TNRC6B: variants seen among roughly 807,000 people sequenced by gnomAD.
TNRC6B encodes trinucleotide repeat-containing gene 6B protein.
A neutral mutation model predicts 203.6 loss-of-function variants in TNRC6B; 52 were observed. The ratio of observed to expected loss-of-function variants is 0.26; its 90% CI spans 0.20 to 0.32. TNRC6B has a LOEUF of 0.32. TNRC6B is among the 10% of genes least tolerant of loss of function. TNRC6B has a pLI of 1.00. For missense variants in TNRC6B, 1,923 were observed against 2,286.2 expected (o/e 0.84, Z 3.24); for synonymous variants, 838 against 845.7 (o/e 0.99, Z 0.16).
chr22:40,096,007 C>T (rs2068183672), intron 1 of TNRC6B, among the ~76,000 whole-genome samples: 1 of 152,110 alleles, frequency 6.6e-6, no homozygotes, highest in Non-Finnish European at 1.5e-5. Flanking sequence ...CTCTGTACCC[C>T]TCCTATCCGC....
At chr22:40,320,425 A>C (rs2071319929) in intron 21 of TNRC6B, among the ~76,000 whole-genome samples, 1 of 152,216 alleles carries the variant, frequency 6.6e-6, no homozygotes, top group Non-Finnish European at 1.5e-5. Context: ...GGTTGCAGTG[A>C]GTCGAGATTG....
intron 3 of TNRC6B, among the ~76,000 whole-genome samples, chr22:40,152,594 C>T (rs1382141488): frequency 6.6e-6 from 1 of 152,084 alleles, no homozygotes; most frequent in Non-Finnish European, 1.5e-5. Context: ...TCCCAAAATG[C>T]TGGGATTACA....
intron 4 of TNRC6B, among the ~76,000 whole-genome samples, chr22:40,170,958 T>TAC (rs1395268270): frequency 6.8e-6 from 1 of 147,118 alleles, no homozygotes; most frequent in East Asian, 2.0e-4. Flanking sequence ...GGTGTATATA[T>TAC]ACACACATAT....
chr22:40,309,389 A>G (rs1051782220), intron 16 of TNRC6B, among the ~76,000 whole-genome samples: 2 of 152,252 alleles, frequency 1.3e-5, no homozygotes, highest in African/African-American at 4.8e-5. Flanking sequence ...AGCCCCAGCC[A>G]GGTCATTCAG....
intron 7 of TNRC6B, among the ~76,000 whole-genome samples, chr22:40,274,577 C>T (rs1302215833): frequency 2.6e-5 from 4 of 152,064 alleles, no homozygotes; most frequent in African/African-American, 2.4e-5. Flanking sequence ...GCTGCCACCA[C>T]GCCCGGCTAA....
At chr22:40,153,470 C>A (rs1284807088) in intron 3 of TNRC6B, among the ~76,000 whole-genome samples, 1 of 151,190 alleles carries the variant, frequency 6.6e-6, no homozygotes, top group African/African-American at 2.4e-5. Flanking sequence ...AGTGTTTGAA[C>A]TGATTAAGAG....
intron 12 of TNRC6B, among the ~76,000 whole-genome samples, chr22:40,290,840 CA>C (rs1341949528): frequency 6.6e-6 from 1 of 152,150 alleles, no homozygotes; most frequent in Non-Finnish European, 1.5e-5. Flanking sequence ...AGATGCATAT[CA>C]GAGTGATTTC....
chr22:40,187,209 A>G (rs374821975), intron 1 of TNRC6B, among the ~76,000 whole-genome samples: 20 of 152,246 alleles, frequency 1.3e-4, no homozygotes, highest in African/African-American at 4.8e-4. Context: ...GCTACTGTAC[A>G]GCGGATGTGC....
chr22:40,308,290 A>C (rs192111820), intron 15 of TNRC6B, among the ~76,000 whole-genome samples: 2 of 152,340 alleles, frequency 1.3e-5, no homozygotes, highest in East Asian at 3.9e-4. Flanking sequence ...GACAGACCTG[A>C]TCGATGGCAG....
chr22:40,228,178 A>G (rs1414162891), intron 1 of TNRC6B, among the ~76,000 whole-genome samples: 4 of 152,134 alleles, frequency 2.6e-5, no homozygotes, highest in Admixed American at 6.5e-5. Flanking sequence ...CTGTAATCCT[A>G]GCACTTTGGG....
intron 1 of TNRC6B, among the ~76,000 whole-genome samples, chr22:40,232,963 A>C (rs1453244129): frequency 6.6e-6 from 1 of 151,786 alleles, no homozygotes; most frequent in African/African-American, 2.4e-5. Flanking sequence ...CATCCTGGCC[A>C]ATGGTGAAAC....
intron 4 of TNRC6B, among the ~76,000 whole-genome samples, chr22:40,167,243 T>C (rs148143710): frequency 5.3e-5 from 8 of 152,274 alleles, no homozygotes; most frequent in African/African-American, 1.9e-4. Flanking sequence ...TAAGGTTTCC[T>C]TAGGGGGATC....
At position 40,273,480 on chromosome 22, in the gene TNRC6B, T is replaced by A. The variant is rs1392616366; in HGVS notation, c.3021T>A (p.Ala1007=). The A allele has an allele frequency of 3.7e-6, 6 of 1,609,196 alleles. No homozygotes were observed. The highest frequency in any genetic ancestry group is 3.3e-4 in the Middle Eastern group (2 of 6,060). Residue 1007 remains alanine (A), a synonymous_variant, in exon 7 of 23, where the codon GCT becomes GCA. Transcript: ENST00000454349. ...AGAGTGACGGGCCAGTCACAGGAGC[T>A]CGCCATCCCAGCTGGGAAGAGGAGG... ...WGESDGPVTG[A]RHPSWEEEED...
In TNRC6B at chr22:40,114,149, G is replaced by A. The variant is rs547273837; in HGVS notation, c.-120-2906G>A. Reference sequence around the variant, plus strand: ...ATAATTGTGCTGAATAGTCAAGTTTGAAAATTAAAACCCTGCCATACTCAG... The same window carrying A: ...ATAATTGTGCTGAATAGTCAAGTTTAAAAATTAAAACCCTGCCATACTCAG... On this transcript the variant is annotated intron_variant, in intron 1 of 23. Transcript: ENST00000301923. Among the ~76,000 whole-genome samples, 107 of 152,144 alleles carry A rather than the reference G, an allele frequency of 7.0e-4. 1 individual carries two copies. The highest frequency in any genetic ancestry group is 1.8e-3 in the Admixed American group (28 of 15,270).
At chr22:40,280,283 G>T in intron 10 of TNRC6B, 140 bp downstream of exon 10, 1 of 793,188 alleles carries the variant, frequency 1.3e-6, no homozygotes, top group Non-Finnish European at 1.9e-6. Context: ...GCATTAACGT[G>T]GTGACCTGAA....
chr22:40,046,673 CT>C (rs2067690846), intron 1 of TNRC6B, among the ~76,000 whole-genome samples: 1 of 123,380 alleles, frequency 8.1e-6, no homozygotes, highest in South Asian at 2.6e-4. Flanking sequence ...GAGACAGAGT[CT>C]CAAAGATTGT....
In TNRC6B at chr22:40,273,492, C is replaced by T. The variant is rs747052576; in HGVS notation, c.3033C>T (p.Ser1011=). 4.4e-6 allele frequency: 7 copies of T among 1,607,064 alleles called. No individual in the cohort carries two copies. In the South Asian group the frequency reaches 6.7e-5, roughly 15 times the overall value. Residue 1011 remains serine (S), a synonymous_variant, in exon 7 of 23, where the codon AGC becomes AGT. Transcript: ENST00000454349. The stretch of plus-strand genomic sequence containing the variant: ...CAGTCACAGGAGCTCGCCATCCCAG[C>T]TGGGAAGAGGAGGAGGATGGAGGAG... ...DGPVTGARHP[S]WEEEEDGGVW...
At chr22:40,232,075 C>T (rs764697007) in intron 1 of TNRC6B, among the ~76,000 whole-genome samples, 4 of 152,026 alleles carry the variant, frequency 2.6e-5, no homozygotes, top group Non-Finnish European at 5.9e-5. Context: ...CTGGCACTGA[C>T]GGTATTAATA....
chr22:40,129,299 G>C (rs1234721255), intron 3 of TNRC6B, among the ~76,000 whole-genome samples: 2 of 152,230 alleles, frequency 1.3e-5, no homozygotes, highest in Non-Finnish European at 2.9e-5. Flanking sequence ...TTCACTCGAG[G>C]AGTGATGTGA....
Sources: allele counts gnomAD v4.1 joint callset (sites outside exome capture counted in the v4.1 genomes callset), GRCh38; gene constraint gnomAD v4.1.1; transcripts MANE v1.5; gene names NCBI Gene and HGNC (gene_info 2026-07-23, HGNC 2026-07-21).